The following LRRC1 variants were observed in gnomAD, a reference collection of about 807,000 sequenced individuals.
LRRC1 encodes the protein leucine-rich repeat-containing protein 1.
LRRC1 carries 28 observed loss-of-function variants against 69.9 expected under a neutral mutation model. That is an observed-to-expected ratio of 0.40 (90% CI 0.30 to 0.55). The LOEUF is 0.55. Among genes scored for constraint, LRRC1 ranks in the 20% least tolerant of loss-of-function variants. LRRC1 has a pLI of 0.47. For missense variants in LRRC1, 498 were observed against 609.0 expected, an observed-to-expected ratio of 0.82 and a Z score of 1.92; for synonymous variants, 236 against 240.2, an observed-to-expected ratio of 0.98 and a Z score of 0.16.
intron 1 of LRRC1, among the ~76,000 whole-genome samples, chr6:53,817,972 A>C (rs1190375007): frequency 2.0e-5 from 3 of 152,222 alleles, no homozygotes; most frequent in African/African-American, 7.2e-5. Flanking sequence ...CAAATATTTT[A>C]AAGAGCATTT....
intron 2 of LRRC1, among the ~76,000 whole-genome samples, chr6:53,867,069 A>G (rs1766724562): frequency 1.3e-5 from 2 of 152,106 alleles, no homozygotes; most frequent in African/African-American, 4.8e-5. Context: ...CTGAGATGGC[A>G]TAGGGCCAAA....
rs139201372 is a variant in LRRC1, at chr6:53,899,513, T to C, written c.643-234T>C. ...AAGTGGGAATGATTCCTTGCCTGCC[T>C]GAAAGGTGGAGGGCTTTGCATCCCT... is the stretch of plus-strand genomic sequence containing the variant. On this transcript the variant is annotated intron_variant, in intron 7 of 13. Transcript: ENST00000370888. 2.1e-3 allele frequency among the ~76,000 whole-genome samples: 317 copies of C among 150,104 alleles called. 1 individual carries two copies. The highest frequency in any genetic ancestry group is 7.3e-3 in the African/African-American group (300 of 41,106).
At chr6:53,813,546 T>TTG (rs1469455970) in intron 1 of LRRC1, among the ~76,000 whole-genome samples, 1 of 145,802 alleles carries the variant, frequency 6.9e-6, no homozygotes, top group Non-Finnish European at 1.5e-5. Context: ...GTTTTTTTTT[T>TTG]TTTCTTTTTT....
intron 4 of LRRC1, among the ~76,000 whole-genome samples, chr6:53,891,086 A>G (rs1767664501): frequency 6.6e-6 from 1 of 152,212 alleles, no homozygotes; most frequent in African/African-American, 2.4e-5. Flanking sequence ...AAAAGAGTGC[A>G]ACTTTTGTCC....
At chr6:53,813,386 C>T (rs183745016) in intron 1 of LRRC1, among the ~76,000 whole-genome samples, 37 of 152,156 alleles carry the variant, frequency 2.4e-4, no homozygotes, top group Non-Finnish European at 4.3e-4. Context: ...CCTGTGGCAG[C>T]GCCAAGTGGG....
At chr6:53,807,378 C>G (rs1240706832) in intron 1 of LRRC1, among the ~76,000 whole-genome samples, 1 of 152,198 alleles carries the variant, frequency 6.6e-6, no homozygotes, top group Admixed American at 6.5e-5. Context: ...CTGTATGGAG[C>G]TTCCATTCTA....
At chr6:53,909,626 T>TCC (rs1768349340) in intron 10 of LRRC1, among the ~76,000 whole-genome samples, 1 of 152,066 alleles carries the variant, frequency 6.6e-6, no homozygotes, top group South Asian at 2.1e-4. Flanking sequence ...AAAAAAGAAT[T>TCC]CCGTAGCTAT....
intron 2 of LRRC1, among the ~76,000 whole-genome samples, 156 bp downstream of exon 2, chr6:53,842,383 A>G (rs757508207): frequency 2.0e-5 from 3 of 152,160 alleles, no homozygotes; most frequent in African/African-American, 7.2e-5. Context: ...CCATGTCCCA[A>G]ATATAGCTAG....
At chr6:53,900,036 T>TGTTTTG (rs1562066463) in intron 8 of LRRC1, 145 bp downstream of exon 8, 8 of 654,452 alleles carry the variant, frequency 1.2e-5, no homozygotes, top group African/African-American at 1.1e-4. Context: ...TTTTTTTTTT[T>TGTTTTG]TTTTTTTTTT....
intron 2 of LRRC1, among the ~76,000 whole-genome samples, chr6:53,875,181 C>A (rs1008574975): frequency 6.6e-6 from 1 of 152,110 alleles, no homozygotes; most frequent in Non-Finnish European, 1.5e-5. Context: ...AGTAATTCTA[C>A]TTCTGGGAAC....
rs1394785253 is a variant in LRRC1, at chr6:53,842,090, T to G, written c.160-20T>G. The G allele has an allele frequency of 6.8e-7, 1 of 1,464,642 alleles. No homozygotes were observed. Among genetic ancestry groups the G allele is most frequent in the Non-Finnish European group, 9.6e-7 (1 of 1,045,456 alleles). 90.7% of individuals were successfully genotyped at this position (1,464,642 alleles called of 1,614,324 possible). A position where few individuals can be genotyped will look rare whatever the true frequency, so the allele number is the denominator to read the frequency against. On this transcript the variant is annotated intron_variant, in intron 1 of 13. Transcript: ENST00000370888. ...ATACAAACATATGTGAAATCTATGT[T>G]AAACTCTTTTGTCTTTCAGCAATTT...
At chr6:53,918,293 A>G (rs1430340919) in intron 11 of LRRC1, among the ~76,000 whole-genome samples, 1 of 152,226 alleles carries the variant, frequency 6.6e-6, no homozygotes, top group East Asian at 1.9e-4. Flanking sequence ...CACCCAATAC[A>G]TATGCATGAG....
chr6:53,920,761 G>A lies in LRRC1; in HGVS notation c.1416G>A (p.Thr472=), dbSNP rs367872325. The part of the protein sequence containing the change: ...EDEKDEEDNE[T]RTLLRRATPH... ...AGAAAGATGAAGAAGACAATGAGAC[G>A]GTATGGAAATGCAGATTCTTTGCCT... Residue 472 remains threonine, a splice_region_variant and synonymous_variant, in exon 13 of 14, where the codon ACG becomes ACA. Coordinates refer to ENST00000370888, the MANE Select transcript of LRRC1 (RefSeq NM_018214.5). 8.7e-6 allele frequency: 14 copies of A among 1,613,878 alleles called. No individual in the cohort carries two copies. Among genetic ancestry groups the A allele is most frequent in the African/African-American group, 1.3e-5 (1 of 74,898 alleles).
intron 1 of LRRC1, among the ~76,000 whole-genome samples, chr6:53,834,027 T>C (rs1347353123): frequency 2.0e-5 from 3 of 152,250 alleles, no homozygotes; most frequent in Non-Finnish European, 4.4e-5. Flanking sequence ...TCTCCAGGAC[T>C]GTCCTGCTGC....
chr6:53,868,530 T>G (rs1426482199), intron 2 of LRRC1, among the ~76,000 whole-genome samples: 2 of 152,182 alleles, frequency 1.3e-5, no homozygotes, highest in Non-Finnish European at 2.9e-5. Flanking sequence ...CCAGCCAATA[T>G]GATGCTACTC....
At chr6:53,882,260 C>T (rs1767316201) in intron 3 of LRRC1, among the ~76,000 whole-genome samples, 2 of 152,240 alleles carry the variant, frequency 1.3e-5, no homozygotes, top group African/African-American at 4.8e-5. Context: ...AGGCAGGAGA[C>T]TCGCTTGAAC....
At chr6:53,796,520 C>G (rs558558001) in intron 1 of LRRC1, among the ~76,000 whole-genome samples, 3 of 152,214 alleles carry the variant, frequency 2.0e-5, no homozygotes, top group African/African-American at 7.2e-5. Context: ...CAAGCCAAAT[C>G]ATTGTCACAG....
At chr6:53,844,177 G>GA in intron 2 of LRRC1, among the ~76,000 whole-genome samples, 1 of 152,280 alleles carries the variant, frequency 6.6e-6, no homozygotes, top group Non-Finnish European at 1.5e-5. Context: ...AGGTATATGT[G>GA]ATTGAAATGA....
chr6:53,869,193 C>G (rs1766802219), intron 2 of LRRC1, among the ~76,000 whole-genome samples: 1 of 151,846 alleles, frequency 6.6e-6, no homozygotes, highest in Non-Finnish European at 1.5e-5. Context: ...AGATTGAGGC[C>G]TGAACCAGGT....
Sources: gnomAD v4.1 joint callset for allele counts (sites outside exome capture counted in the v4.1 genomes callset) on GRCh38, gnomAD v4.1.1 for gene constraint, MANE v1.5 for transcripts, NCBI Gene and HGNC (gene_info 2026-07-23, HGNC 2026-07-21) for gene names.